NT5C2: variants seen among roughly 807,000 people sequenced by gnomAD.
NT5C2 encodes the protein cytosolic purine 5'-nucleotidase.
Under a neutral mutation model 76.1 loss-of-function variants are expected in NT5C2, and 58 were observed. The ratio of observed to expected loss-of-function variants is 0.76; its 90% CI spans 0.62 to 0.95. The LOEUF is 0.95. NT5C2 is among the 40% of genes least tolerant of loss of function. The pLI, the probability that NT5C2 is intolerant of heterozygous loss-of-function variation, is 0.00. For synonymous variants in NT5C2, 229 were observed against 237.4 expected, an observed-to-expected ratio of 0.96 and a Z score of 0.32; for missense variants, 478 against 690.3, an observed-to-expected ratio of 0.69 and a Z score of 3.45.
In NT5C2 at chr10:103,095,936, T is replaced by G. The variant is rs2068061087; in HGVS notation, c.813+3A>C. The stretch of plus-strand genomic sequence containing the variant: ...CAGTGGTCTATTGAGTCACATACGG[T>G]ACCTTGGGGCCATGTGGGAAGTCAA... On this transcript the variant is annotated splice_donor_region_variant and intron_variant, in intron 12 of 18. Transcript: ENST00000404739. The G allele has an allele frequency of 1.2e-6, 2 of 1,611,930 alleles. No individual in the cohort carries two copies. Among genetic ancestry groups the G allele is most frequent in the Admixed American group, 3.3e-5 (2 of 59,984 alleles).
At chr10:103,124,087 T>C (rs1376196624) in intron 4 of NT5C2, among the ~76,000 whole-genome samples, 1 of 152,196 alleles carries the variant, frequency 6.6e-6, no homozygotes, top group Non-Finnish European at 1.5e-5. Flanking sequence ...TTCATGAAAT[T>C]TACCACATTT....
chr10:103,139,716 CCATA>C (rs1375881984), intron 3 of NT5C2, among the ~76,000 whole-genome samples: 3 of 152,084 alleles, frequency 2.0e-5, no homozygotes, highest in African/African-American at 7.2e-5. Flanking sequence ...ACCCATTATC[CCATA>C]CAGTTACCTT....
chr10:103,125,213 G>A (rs750162722), intron 4 of NT5C2: 1 of 767,436 alleles, frequency 1.3e-6, no homozygotes, highest in Non-Finnish European at 2.2e-6. Flanking sequence ...TAGCCTGCCT[G>A]TGAGGTTCAC....
At chr10:103,151,424 A>T (rs554652036) in intron 3 of NT5C2, among the ~76,000 whole-genome samples, 1 of 151,270 alleles carries the variant, frequency 6.6e-6, no homozygotes, top group Non-Finnish European at 1.5e-5. Flanking sequence ...AGATTACGCC[A>T]CTGCACTCCA....
At chr10:103,143,061 A>C (rs1162433966) in intron 3 of NT5C2, among the ~76,000 whole-genome samples, 1 of 152,128 alleles carries the variant, frequency 6.6e-6, no homozygotes, top group Non-Finnish European at 1.5e-5. Flanking sequence ...AAAGACAGAA[A>C]ATAAGGTTAT....
intron 3 of NT5C2, among the ~76,000 whole-genome samples, chr10:103,165,525 C>T (rs948332404): frequency 2.6e-5 from 4 of 151,314 alleles, no homozygotes; most frequent in African/African-American, 9.7e-5. Context: ...ATCCTCCTGC[C>T]TCAGCCTCCC....
intron 4 of NT5C2, among the ~76,000 whole-genome samples, chr10:103,119,294 A>G (rs1277582637): frequency 6.6e-6 from 1 of 152,166 alleles, no homozygotes; most frequent in Non-Finnish European, 1.5e-5. Flanking sequence ...ATTTGAATCC[A>G]GGAGGCAGAG....
intron 3 of NT5C2, among the ~76,000 whole-genome samples, chr10:103,163,341 A>G (rs1035036512): frequency 3.9e-5 from 6 of 152,178 alleles, no homozygotes; most frequent in South Asian, 2.1e-4. Context: ...CTCTAACTTG[A>G]TAAGAAACTG....
At chr10:103,132,201 T>C (rs553208731) in intron 4 of NT5C2, among the ~76,000 whole-genome samples, 87 of 147,406 alleles carry the variant, frequency 5.9e-4, no homozygotes, top group Admixed American at 8.8e-4. Flanking sequence ...GACTGCACTA[T>C]TGCACTCCAG....
intron 2 of NT5C2, 29 bp from the exon 3 acceptor site, chr10:103,175,011 C>A: frequency 2.3e-6 from 3 of 1,278,886 alleles, no homozygotes; most frequent in Middle Eastern, 1.8e-4. Context: ...AATTTAGTAA[C>A]TTAATATTGG....
intron 4 of NT5C2, among the ~76,000 whole-genome samples, chr10:103,134,835 C>T (rs890219607): frequency 6.6e-6 from 1 of 152,226 alleles, no homozygotes; most frequent in Non-Finnish European, 1.5e-5. Flanking sequence ...TGGGAATCCA[C>T]CTCTTGCATC....
chr10:103,131,701 G>A (rs755398288), intron 4 of NT5C2, among the ~76,000 whole-genome samples: 47 of 152,062 alleles, frequency 3.1e-4, no homozygotes, highest in Middle Eastern at 6.8e-3. Context: ...CAGGTAGATC[G>A]CTTGAGCCCA....
At chr10:103,115,206 G>A (rs1319644363) in intron 4 of NT5C2, among the ~76,000 whole-genome samples, 1 of 152,220 alleles carries the variant, frequency 6.6e-6, no homozygotes, top group African/African-American at 2.4e-5. Context: ...TTCCAGACCT[G>A]CCTGGGCAAC....
chr10:103,183,293 A>ATATATATATTATATATATATATATATT, intron 1 of NT5C2, among the ~76,000 whole-genome samples: 1 of 109,388 alleles, frequency 9.1e-6, no homozygotes, highest in East Asian at 4.2e-4. Flanking sequence ...ATATATATAT[A>ATATATATATTATATATATATATATATT]TCACACACTC....
At position 103,139,427 on chromosome 10, in the gene NT5C2, CA is replaced by C; in HGVS notation, c.153del (p.Phe51LeufsTer27). 2 of 1,582,402 alleles carry C rather than the reference CA, an allele frequency of 1.3e-6. No individual in the cohort carries two copies. The highest frequency in any genetic ancestry group is 1.7e-6 in the Non-Finnish European group (2 of 1,160,814). ...TCACCAGCAAGGGTATAATCCATAT[CA>C]AAACCAAAACACTTTATCTTTTCCA... ...LAMEKIKCFG[F>X]DMDYTLAVYK... On this transcript the variant is annotated frameshift_variant, in exon 4 of 19. Transcript: ENST00000404739. LOFTEE classifies it high-confidence loss of function.
intron 3 of NT5C2, among the ~76,000 whole-genome samples, chr10:103,148,009 G>T (rs926330016): frequency 4.6e-5 from 7 of 152,092 alleles, no homozygotes; most frequent in African/African-American, 1.7e-4. Flanking sequence ...TTAAAAAAAA[G>T]TAATAGGAAG....
chr10:103,125,425 C>A, intron 4 of NT5C2: 2 of 246,192 alleles, frequency 8.1e-6, no homozygotes, highest in Non-Finnish European at 1.6e-5. Context: ...ATTGTGGTGG[C>A]GTGGAAAGAT....
intron 4 of NT5C2, 116 bp downstream of exon 4, chr10:103,139,290 C>A: frequency 1.8e-6 from 1 of 558,856 alleles, no homozygotes; most frequent in Non-Finnish European, 3.0e-6. Context: ...ATAATAAAAG[C>A]TTCTGGCAGC....
chr10:103,172,082 T>G lies in NT5C2; in HGVS notation c.101+2776A>C, dbSNP rs187148974. ...AAAATTAGCCAGGTGTGGTGGTGTG[T>G]GCCTGTAATCCCAGCTACTCGGGAC... On this transcript the variant is annotated intron_variant, in intron 3 of 18. Transcript: ENST00000404739. 2.7e-4 allele frequency among the ~76,000 whole-genome samples: 41 copies of G among 151,806 alleles called. No homozygotes were observed. In the East Asian group the frequency reaches 7.8e-3, roughly 29 times the overall value.
Sources: gnomAD v4.1 joint callset for allele counts (sites outside exome capture counted in the v4.1 genomes callset) on GRCh38, gnomAD v4.1.1 for gene constraint, MANE v1.5 for transcripts, NCBI Gene and HGNC (gene_info 2026-07-23, HGNC 2026-07-21) for gene names.